Variants in TMCC1 observed in about 807,000 individuals in gnomAD.
TMCC1 encodes transmembrane and coiled-coil domains protein 1.
TMCC1 carries 15 observed loss-of-function variants against 52.4 expected under a neutral mutation model. The ratio of observed to expected loss-of-function variants is 0.29; its 90% CI spans 0.19 to 0.44. The LOEUF (loss-of-function observed/expected upper bound fraction) is 0.44, where lower values mean the gene tolerates loss of function less well. Ranked by LOEUF, TMCC1 falls within the 20% of genes least tolerant of loss-of-function variation. TMCC1 has a pLI of 1.00. For missense variants in TMCC1, 503 were observed against 806.0 expected, an observed-to-expected ratio of 0.62 and a Z score of 4.55; for synonymous variants, 279 against 301.9, an observed-to-expected ratio of 0.92 and a Z score of 0.79.
In TMCC1 at chr3:129,652,958, C is replaced by G. The variant is rs554833107; in HGVS notation, c.1648-1163G>C. Among the ~76,000 whole-genome samples, 8 of 152,348 alleles carry G rather than the reference C, an allele frequency of 5.3e-5. No homozygotes were observed. The South Asian group carries it at 1.7e-3, about 32-fold the overall frequency. On this transcript the variant is annotated intron_variant, in intron 6 of 6. Coordinates refer to ENST00000393238, the MANE Select transcript of TMCC1 (RefSeq NM_001017395.5). The stretch of plus-strand genomic sequence containing the variant: ...TCAGGACCTCTTCAGACTGTGTTCC[C>G]CAGGCCATGGTTACTTGTATTGGCT...
chr3:129,740,772 G>A (rs2051387320), intron 4 of TMCC1, among the ~76,000 whole-genome samples: 1 of 152,112 alleles, frequency 6.6e-6, no homozygotes, highest in Non-Finnish European at 1.5e-5. Context: ...ACTTACCACT[G>A]TTCCCCATTG....
At chr3:129,714,224 G>A (rs1463096676) in intron 4 of TMCC1, among the ~76,000 whole-genome samples, 1 of 152,098 alleles carries the variant, frequency 6.6e-6, no homozygotes, top group Admixed American at 6.5e-5. Flanking sequence ...TATGTATCTT[G>A]GTGAACTTCT....
intron 4 of TMCC1, among the ~76,000 whole-genome samples, chr3:129,797,313 G>A (rs1477199991): frequency 4.7e-5 from 7 of 149,814 alleles, no homozygotes; most frequent in South Asian, 2.1e-4. Flanking sequence ...GCGACAGAGC[G>A]ACACTCCATC....
intron 4 of TMCC1, among the ~76,000 whole-genome samples, chr3:129,747,340 CT>C (rs1221624385): frequency 1.3e-5 from 2 of 152,128 alleles, no homozygotes; most frequent in Admixed American, 1.3e-4. Flanking sequence ...CCATATGGTT[CT>C]TTTCAAAGCT....
intron 4 of TMCC1, among the ~76,000 whole-genome samples, chr3:129,777,751 G>T (rs181002807): frequency 6.6e-6 from 1 of 152,116 alleles, no homozygotes; most frequent in Non-Finnish European, 1.5e-5. Flanking sequence ...AGAGTCAAGA[G>T]GTTTGCCTGT....
intron 4 of TMCC1, among the ~76,000 whole-genome samples, chr3:129,763,482 G>A (rs1371164468): frequency 8.1e-5 from 11 of 135,392 alleles, no homozygotes. Flanking sequence ...GGAGGTGGTT[G>A]CAGTGAGCTA....
chr3:129,785,424 A>G (rs1372154827), intron 4 of TMCC1, among the ~76,000 whole-genome samples: 1 of 152,180 alleles, frequency 6.6e-6, no homozygotes, highest in Non-Finnish European at 1.5e-5. Context: ...GATCAATAGC[A>G]TTTCATAAGG....
chr3:129,774,264 G>C (rs762339150), intron 4 of TMCC1, among the ~76,000 whole-genome samples: 68 of 152,162 alleles, frequency 4.5e-4, no homozygotes, highest in Non-Finnish European at 7.6e-4. Flanking sequence ...TTAGGGCACT[G>C]ACCAGTTTAT....
At chr3:129,822,987 T>C (rs2058490501) in intron 4 of TMCC1, among the ~76,000 whole-genome samples, 1 of 152,186 alleles carries the variant, frequency 6.6e-6, no homozygotes, top group Admixed American at 6.5e-5. Flanking sequence ...AGTAAGATGT[T>C]ACTATGACAA....
intron 4 of TMCC1, among the ~76,000 whole-genome samples, chr3:129,673,237 G>A (rs1354011530): frequency 6.6e-6 from 1 of 152,070 alleles, no homozygotes; most frequent in African/African-American, 2.4e-5. Context: ...CAAGGGAGGA[G>A]CAGCCAGAGT....
chr3:129,714,656 T>G (rs2048935934), intron 4 of TMCC1, among the ~76,000 whole-genome samples: 1 of 152,156 alleles, frequency 6.6e-6, no homozygotes, highest in African/African-American at 2.4e-5. Flanking sequence ...CAGGGTATAA[T>G]TAAAAAGATA....
chr3:129,891,444 G>C (rs1232960809), intron 1 of TMCC1, among the ~76,000 whole-genome samples: 2 of 152,142 alleles, frequency 1.3e-5, no homozygotes, highest in South Asian at 2.1e-4. Flanking sequence ...AGTTTAACTG[G>C]AATATAAACA....
chr3:129,681,252 A>T (rs1438034148), intron 4 of TMCC1, among the ~76,000 whole-genome samples: 2 of 152,154 alleles, frequency 1.3e-5, no homozygotes, highest in African/African-American at 4.8e-5. Context: ...TCAAAATGGA[A>T]TTCTGACAGA....
intron 4 of TMCC1, among the ~76,000 whole-genome samples, chr3:129,730,028 G>A (rs1293996440): frequency 7.2e-5 from 11 of 151,972 alleles, no homozygotes; most frequent in Non-Finnish European, 1.2e-4. Context: ...ATTGACTATT[G>A]TACTGATAGT....
intron 2 of TMCC1, among the ~76,000 whole-genome samples, chr3:129,849,217 C>T (rs1259456057): frequency 6.6e-6 from 1 of 152,174 alleles, no homozygotes; most frequent in African/African-American, 2.4e-5. Context: ...AATCCCAACA[C>T]TTTGGGAGGC....
chr3:129,701,032 C>T (rs1048622895), intron 4 of TMCC1, among the ~76,000 whole-genome samples: 1 of 152,182 alleles, frequency 6.6e-6, no homozygotes, highest in African/African-American at 2.4e-5. Flanking sequence ...CTCCTTACTT[C>T]TCTTTCCACT....
At chr3:129,831,135 T>C (rs575364913) in intron 3 of TMCC1, among the ~76,000 whole-genome samples, 47 of 152,224 alleles carry the variant, frequency 3.1e-4, no homozygotes, top group African/African-American at 1.1e-3. Context: ...GGTTTCACCA[T>C]GTTGGCCAGG....
At chr3:129,864,509 G>A (rs2060534206) in intron 2 of TMCC1, among the ~76,000 whole-genome samples, 1 of 152,118 alleles carries the variant, frequency 6.6e-6, no homozygotes, top group African/African-American at 2.4e-5. Flanking sequence ...ATAACTACTG[G>A]CTGGGCACGG....
chr3:129,807,965 G>A (rs546837951), intron 4 of TMCC1, among the ~76,000 whole-genome samples: 1 of 152,270 alleles, frequency 6.6e-6, no homozygotes, highest in Admixed American at 6.5e-5. Context: ...AACACTCTTG[G>A]AGAGTAGTCA....
Sources: allele counts gnomAD v4.1 joint callset (sites outside exome capture counted in the v4.1 genomes callset), GRCh38; gene constraint gnomAD v4.1.1; transcripts MANE v1.5; gene names NCBI Gene and HGNC (gene_info 2026-07-23, HGNC 2026-07-21).